UBASH3B: variants seen among roughly 807,000 people sequenced by gnomAD.
UBASH3B encodes the protein ubiquitin-associated and SH3 domain-containing protein B.
In UBASH3B, 37 loss-of-function variants were observed where a neutral mutation model predicts 83.4. The observed-to-expected ratio is 0.44, with a 90% CI of 0.34 to 0.58. UBASH3B has a LOEUF of 0.58. Among genes scored for constraint, UBASH3B ranks in the 20% least tolerant of loss-of-function variants. The pLI, the probability that UBASH3B is intolerant of heterozygous loss-of-function variation, is 0.01. For synonymous variants in UBASH3B, 304 were observed against 318.3 expected (o/e 0.96, Z 0.48); for missense variants, 657 against 827.2 (o/e 0.79, Z 2.52).
chr11:122,780,306 A>T (rs564932358), intron 4 of UBASH3B, among the ~76,000 whole-genome samples: 1 of 152,296 alleles, frequency 6.6e-6, no homozygotes, highest in South Asian at 2.1e-4. Flanking sequence ...AGTTCAGGAC[A>T]CCTGAGATTT....
rs370444581 is a variant in UBASH3B at position 122,707,077 on chromosome 11, T to C, written c.161+50867T>C. On this transcript the variant is annotated intron_variant, in intron 1 of 13. Transcript: ENST00000284273. ...CATCCTTACTTTTATGAACTGATGG[T>C]GGTAATTGATCATGGGGATTTCAGA... Among the ~76,000 whole-genome samples the C allele has an allele frequency of 1.2e-4, 18 of 152,316 alleles. No homozygotes were observed. In the East Asian group the frequency reaches 1.7e-3, roughly 15 times the overall value.
At chr11:122,791,974 C>T (rs1861061579) in intron 6 of UBASH3B, among the ~76,000 whole-genome samples, 1 of 152,208 alleles carries the variant, frequency 6.6e-6, no homozygotes, top group South Asian at 2.1e-4. Context: ...AGCCAGCTCT[C>T]CCGATGCTTG....
At chr11:122,705,051 G>A (rs1864097297) in intron 1 of UBASH3B, among the ~76,000 whole-genome samples, 1 of 152,150 alleles carries the variant, frequency 6.6e-6, no homozygotes, top group Non-Finnish European at 1.5e-5. Flanking sequence ...CATATGTTTG[G>A]GCCTTGGCTC....
At chr11:122,707,447 G>A (rs1421688996) in intron 1 of UBASH3B, among the ~76,000 whole-genome samples, 1 of 152,144 alleles carries the variant, frequency 6.6e-6, no homozygotes, top group East Asian at 1.9e-4. Context: ...CACCTTGTTT[G>A]TACTTTGCTT....
At chr11:122,730,617 CAG>C (rs1002673974) in intron 1 of UBASH3B, among the ~76,000 whole-genome samples, 1 of 147,592 alleles carries the variant, frequency 6.8e-6, no homozygotes, top group Non-Finnish European at 1.5e-5. Flanking sequence ...TTAATTGAGA[CAG>C]AGTTTTGCTC....
intron 1 of UBASH3B, among the ~76,000 whole-genome samples, chr11:122,747,183 A>G (rs1037859982): frequency 7.2e-5 from 11 of 152,154 alleles, no homozygotes; most frequent in Admixed American, 1.3e-4. Context: ...TGTGATCTAG[A>G]TTAATGGTTA....
chr11:122,751,673 G>A (rs1429971637), intron 1 of UBASH3B, among the ~76,000 whole-genome samples: 1 of 152,256 alleles, frequency 6.6e-6, no homozygotes, highest in Non-Finnish European at 1.5e-5. Context: ...AGGGAATGGA[G>A]TCTGGAGCCA....
At chr11:122,774,789 G>C (rs1161670543) in intron 1 of UBASH3B, among the ~76,000 whole-genome samples, 1 of 152,096 alleles carries the variant, frequency 6.6e-6, no homozygotes, top group Non-Finnish European at 1.5e-5. Context: ...CTCTACACTG[G>C]CTCATTTAAT....
intron 1 of UBASH3B, among the ~76,000 whole-genome samples, chr11:122,678,981 G>C (rs916342963): frequency 6.6e-6 from 1 of 152,168 alleles, no homozygotes; most frequent in Non-Finnish European, 1.5e-5. Flanking sequence ...AAACAAGGAT[G>C]CCTCTGTGTT....
intron 1 of UBASH3B, among the ~76,000 whole-genome samples, chr11:122,683,079 C>CA (rs1217957141): frequency 6.6e-6 from 1 of 151,750 alleles, no homozygotes; most frequent in African/African-American, 2.4e-5. Flanking sequence ...AGTAAGACCC[C>CA]ATCTCTACAA....
chr11:122,720,335 T>G (rs1185820726), intron 1 of UBASH3B, among the ~76,000 whole-genome samples: 1 of 152,194 alleles, frequency 6.6e-6, no homozygotes, highest in Non-Finnish European at 1.5e-5. Flanking sequence ...TCTGTCAGCT[T>G]CGCCGCTTCC....
chr11:122,763,313 C>T (rs961447005), intron 1 of UBASH3B, among the ~76,000 whole-genome samples: 1 of 152,116 alleles, frequency 6.6e-6, no homozygotes, highest in Non-Finnish European at 1.5e-5. Flanking sequence ...CCCTTTTTAG[C>T]GAGAACAAAA....
chr11:122,704,954 A>C (rs538226068), intron 1 of UBASH3B, among the ~76,000 whole-genome samples: 18 of 152,326 alleles, frequency 1.2e-4, no homozygotes, highest in African/African-American at 4.1e-4. Flanking sequence ...CTCTGATAAA[A>C]AGACCTATGG....
chr11:122,786,686 T>C (rs1401719584), intron 5 of UBASH3B, among the ~76,000 whole-genome samples: 1 of 152,126 alleles, frequency 6.6e-6, no homozygotes, highest in African/African-American at 2.4e-5. Context: ...TACAAGTAGA[T>C]GGCAAACATA....
chr11:122,720,546 G>A lies in UBASH3B; in HGVS notation c.162-55673G>A, dbSNP rs528235116. The stretch of plus-strand genomic sequence containing the variant: ...TCTGTGTTACAAAGTTAAATCTAAA[G>A]CCTTCCTGTCTCTAGGGTGTTCCCT... On this transcript the variant is annotated intron_variant, in intron 1 of 13. Coordinates refer to ENST00000284273, the MANE Select transcript of UBASH3B (RefSeq NM_032873.5). 5.3e-5 allele frequency among the ~76,000 whole-genome samples: 8 copies of A among 152,306 alleles called. No individual in the cohort carries two copies. In the South Asian group the frequency reaches 1.7e-3, roughly 32 times the overall value.
chr11:122,754,474 G>A (rs1861252357), intron 1 of UBASH3B, among the ~76,000 whole-genome samples: 1 of 152,220 alleles, frequency 6.6e-6, no homozygotes. Flanking sequence ...TGGATAGTGA[G>A]TGTCTGGTAT....
intron 1 of UBASH3B, among the ~76,000 whole-genome samples, chr11:122,664,939 C>G (rs548092900): frequency 6.6e-6 from 1 of 152,314 alleles, no homozygotes; most frequent in African/African-American, 2.4e-5. Context: ...GACGGAGTCT[C>G]GCTCTGTCGC....
chr11:122,734,325 C>T (rs902489930), intron 1 of UBASH3B, among the ~76,000 whole-genome samples: 1 of 152,226 alleles, frequency 6.6e-6, no homozygotes, highest in African/African-American at 2.4e-5. Flanking sequence ...TTGAAAAGAG[C>T]TTGACATGGC....
At chr11:122,707,235 T>C (rs1371239499) in intron 1 of UBASH3B, among the ~76,000 whole-genome samples, 1 of 152,164 alleles carries the variant, frequency 6.6e-6, no homozygotes, top group Non-Finnish European at 1.5e-5. Context: ...CCTACTTACT[T>C]TCTTGGAAGC....
Sources: gnomAD v4.1 joint callset for allele counts (sites outside exome capture counted in the v4.1 genomes callset) on GRCh38, gnomAD v4.1.1 for gene constraint, MANE v1.5 for transcripts, NCBI Gene and HGNC (gene_info 2026-07-23, HGNC 2026-07-21) for gene names.